UNC79: variants seen among roughly 807,000 people sequenced by gnomAD.
UNC79 encodes protein unc-79 homolog.
Under a neutral mutation model 283.1 loss-of-function variants are expected in UNC79, and 37 were observed. The ratio of observed to expected loss-of-function variants is 0.13; its 90% CI spans 0.10 to 0.17. UNC79 has a LOEUF of 0.17. UNC79 is among the 10% of genes least tolerant of loss of function. The pLI, the probability that UNC79 is intolerant of heterozygous loss-of-function variation, is 1.00. For synonymous variants in UNC79, 1,107 were observed against 1,200.2 expected (o/e 0.92, Z 1.61); for missense variants, 2,272 against 3,211.1 (o/e 0.71, Z 7.07).
At chr14:93,469,175 G>A (rs1363734652) in intron 2 of UNC79, among the ~76,000 whole-genome samples, 1 of 152,140 alleles carries the variant, frequency 6.6e-6, no homozygotes, top group African/African-American at 2.4e-5. Flanking sequence ...AAGAGTTAAG[G>A]AATTTAAAAT....
intron 7 of UNC79, among the ~76,000 whole-genome samples, chr14:93,522,509 C>T (rs183143129): frequency 1.3e-5 from 2 of 152,188 alleles, no homozygotes; most frequent in African/African-American, 4.8e-5. Flanking sequence ...TTTTGCAATT[C>T]ATGTACTGGT....
At chr14:93,679,243 G>A (rs914980714) in intron 41 of UNC79, among the ~76,000 whole-genome samples, 5 of 152,086 alleles carry the variant, frequency 3.3e-5, no homozygotes, top group Non-Finnish European at 7.4e-5. Context: ...GGCGGATCAC[G>A]AAGTCAAGAG....
chr14:93,333,641 A>G (rs1194644272), intron 1 of UNC79: 1 of 385,872 alleles, frequency 2.6e-6, no homozygotes, highest in African/African-American at 2.1e-5. Flanking sequence ...CCTGTAAACA[A>G]AGGACAAAAT....
At chr14:93,413,512 C>T (rs2055380654) in intron 1 of UNC79, among the ~76,000 whole-genome samples, 1 of 141,746 alleles carries the variant, frequency 7.1e-6, no homozygotes, top group Non-Finnish European at 1.5e-5. Context: ...TTTATAGCAG[C>T]ATGATTTATA....
intron 2 of UNC79, among the ~76,000 whole-genome samples, chr14:93,470,721 T>C (rs907356363): frequency 6.6e-6 from 1 of 152,216 alleles, no homozygotes; most frequent in Non-Finnish European, 1.5e-5. Context: ...ATTTAGCAGA[T>C]ACCTAAGTTT....
At chr14:93,663,754 ACTT>A (rs143435895) in intron 40 of UNC79, among the ~76,000 whole-genome samples, 4,245 of 152,226 alleles carry the variant, frequency 0.028, 201 homozygotes, top group African/African-American at 0.094. Context: ...TTGAAAGATA[ACTT>A]CTTCTTCTTT....
At chr14:93,689,962 T>G (rs747924011) in intron 44 of UNC79, 155 bp from the exon 48 acceptor site, 25 of 719,014 alleles carry the variant, frequency 3.5e-5, no homozygotes, top group Middle Eastern at 8.0e-4. Context: ...AAAACAGATA[T>G]ATCATTTTGT....
chr14:93,464,616 G>A (rs1311091062), intron 1 of UNC79: 1 of 456,120 alleles, frequency 2.2e-6, no homozygotes, highest in African/African-American at 2.0e-5. Flanking sequence ...ATAAGGAAAG[G>A]GGTGGCCCCG....
chr14:93,627,412 G>A (rs1343977336), intron 30 of UNC79, among the ~76,000 whole-genome samples: 1 of 152,180 alleles, frequency 6.6e-6, no homozygotes, highest in African/African-American at 2.4e-5. Flanking sequence ...AAACACCTCA[G>A]CAGCTTACAA....
intron 1 of UNC79, chr14:93,334,915 GCTT>G (rs1252047144): frequency 1.3e-5 from 2 of 152,180 alleles, no homozygotes; most frequent in Non-Finnish European, 2.9e-5. Context: ...TGTAAACACT[GCTT>G]CTTTATAATT....
At chr14:93,404,493 A>AAAAAAAAAAAATATATATATATATATAT in intron 1 of UNC79, among the ~76,000 whole-genome samples, 14 of 61,486 alleles carry the variant, frequency 2.3e-4, no homozygotes, top group African/African-American at 6.7e-4. Context: ...TTCTAAAAAA[A>AAAAAAAAAAAATATATATATATATATAT]ATATATATAT....
rs1445947384 is a variant in UNC79 at position 93,514,204 on chromosome 14, A to G, written c.899-9774A>G. ...CTTCTAGCCAGTCTAACCAGGGAAA[A>G]AGGAAAAGACATTAGACACACATTT... On this transcript the variant is annotated intron_variant, in intron 7 of 48. Transcript: ENST00000555664. 2.0e-5 allele frequency among the ~76,000 whole-genome samples: 3 copies of G among 152,218 alleles called. No individual in the cohort carries two copies. In the East Asian group the frequency reaches 5.8e-4, roughly 29 times the overall value.
chr14:93,346,782 C>G (rs2053841500), intron 1 of UNC79, among the ~76,000 whole-genome samples: 1 of 152,054 alleles, frequency 6.6e-6, no homozygotes, highest in Non-Finnish European at 1.5e-5. Context: ...CTCACCTTAC[C>G]CTGCAGAAAA....
chr14:93,585,435 T>A (rs150307906), intron 20 of UNC79, among the ~76,000 whole-genome samples: 2 of 152,206 alleles, frequency 1.3e-5, no homozygotes, highest in African/African-American at 4.8e-5. Flanking sequence ...CTATTTCTTA[T>A]CATGGTCAGA....
chr14:93,418,181 G>A (rs1266904490), intron 1 of UNC79, among the ~76,000 whole-genome samples: 1 of 151,740 alleles, frequency 6.6e-6, no homozygotes, highest in Admixed American at 6.6e-5. Context: ...TGATGGTGAT[G>A]TACAGATGGG....
intron 26 of UNC79, 21 bp from the exon 27 acceptor site, chr14:93,604,875 G>C: frequency 6.4e-7 from 1 of 1,559,678 alleles, no homozygotes; most frequent in Non-Finnish European, 8.6e-7. Flanking sequence ...TATTTAAATA[G>C]AGTTGTTGTT....
intron 30 of UNC79, among the ~76,000 whole-genome samples, chr14:93,628,232 A>G (rs925893629): frequency 1.3e-5 from 2 of 152,104 alleles, no homozygotes; most frequent in African/African-American, 2.4e-5. Context: ...TTGGCTCTCA[A>G]CTGCATTCAC....
chr14:93,336,017 A>G (rs181490039), intron 1 of UNC79, among the ~76,000 whole-genome samples: 1 of 152,166 alleles, frequency 6.6e-6, no homozygotes, highest in Non-Finnish European at 1.5e-5. Context: ...AATAAGAGTA[A>G]TCAACATTTC....
Position 93,622,917 on chromosome 14 carries a change from A to C in UNC79, c.5608+76A>C. The C allele has an allele frequency of 2.0e-6, 3 of 1,527,792 alleles. No individual in the cohort carries two copies. In the East Asian group the frequency reaches 6.8e-5, roughly 34 times the overall value. The allele number at this position is 1,527,792 out of a possible 1,614,324, so 94.6% of individuals were successfully genotyped here. ...CTTGTTTGATAGGGTACCGGCACTG[A>C]ATATGCATCAGACTCAAACTCTTAT... is the stretch of plus-strand genomic sequence containing the variant. On this transcript the variant is annotated intron_variant, in intron 30 of 48. Transcript: ENST00000555664.
Sources: gnomAD v4.1 joint callset for allele counts (sites outside exome capture counted in the v4.1 genomes callset) on GRCh38, gnomAD v4.1.1 for gene constraint, MANE v1.5 for transcripts, NCBI Gene and HGNC (gene_info 2026-07-23, HGNC 2026-07-21) for gene names.